The following PDS5B variants were observed in gnomAD, a reference collection of about 807,000 sequenced individuals.
PDS5B encodes the protein sister chromatid cohesion protein PDS5 homolog B.
Under a neutral mutation model 184.1 loss-of-function variants are expected in PDS5B, and 51 were observed. The ratio of observed to expected loss-of-function variants is 0.28; its 90% confidence interval spans 0.22 to 0.35. PDS5B has a LOEUF of 0.35. Ranked by LOEUF, PDS5B falls within the 10% of genes least tolerant of loss-of-function variation. The pLI, the probability that PDS5B is intolerant of heterozygous loss-of-function variation, is 1.00. For synonymous variants in PDS5B, 566 were observed against 569.2 expected (o/e 0.99, Z 0.08); for missense variants, 1,180 against 1,723.3 (o/e 0.68, Z 5.58).
At chr13:32,760,015 G>GGT (rs1398993607) in intron 29 of PDS5B, among the ~76,000 whole-genome samples, 1 of 152,006 alleles carries the variant, frequency 6.6e-6, no homozygotes, top group Non-Finnish European at 1.5e-5. Flanking sequence ...GGAGTGCAGT[G>GGT]GCGCATCTCG....
intron 11 of PDS5B, 39 bp downstream of exon 11, chr13:32,684,062 T>A: frequency 9.5e-7 from 1 of 1,054,364 alleles, no homozygotes. Flanking sequence ...GTTTTCATTT[T>A]TAATACTTGA....
chr13:32,701,301 A>C, intron 16 of PDS5B, 22 bp from the exon 17 acceptor site: 2 of 1,217,992 alleles, frequency 1.6e-6, no homozygotes, highest in Non-Finnish European at 2.4e-6. Context: ...CTTTTGTAAT[A>C]CTGAAATAAT....
chr13:32,617,991 G>A (rs867526988), intron 1 of PDS5B, among the ~76,000 whole-genome samples: 9 of 152,302 alleles, frequency 5.9e-5, no homozygotes, highest in Middle Eastern at 3.4e-3. Flanking sequence ...AGGTTGTGTA[G>A]TCTGGTAAGG....
chr13:32,643,917 A>T (rs1950160652), intron 1 of PDS5B, among the ~76,000 whole-genome samples: 1 of 152,206 alleles, frequency 6.6e-6, no homozygotes, highest in Non-Finnish European at 1.5e-5. Context: ...GTATCCTGGA[A>T]CGTCGATGAA....
intron 10 of PDS5B, among the ~76,000 whole-genome samples, chr13:32,683,531 G>T (rs1461435440): frequency 6.6e-6 from 1 of 151,774 alleles, no homozygotes; most frequent in Non-Finnish European, 1.5e-5. Context: ...TGTTGGTCAG[G>T]CTGGTCTTGA....
chr13:32,727,798 G>C (rs1409312962), intron 19 of PDS5B, among the ~76,000 whole-genome samples: 2 of 150,984 alleles, frequency 1.3e-5, no homozygotes, highest in Non-Finnish European at 3.0e-5. Flanking sequence ...TGAGATTCTT[G>C]GATCTCTAAG....
At chr13:32,701,256 C>T (rs1162706610) in intron 16 of PDS5B, 67 bp from the exon 17 acceptor site, 28 of 816,020 alleles carry the variant, frequency 3.4e-5, no homozygotes, top group Non-Finnish European at 3.5e-5. Context: ...ATTGTTGGTT[C>T]TTAATATTTT....
chr13:32,667,937 TA>T, intron 7 of PDS5B, 93 bp downstream of exon 7: 2 of 572,712 alleles, frequency 3.5e-6, no homozygotes, highest in Non-Finnish European at 6.0e-6. Flanking sequence ...TATATAGTTT[TA>T]AAAACAACAA....
chr13:32,694,027 ATT>A (rs2140847681), intron 13 of PDS5B, among the ~76,000 whole-genome samples, 194 bp from the exon 14 acceptor site: 1 of 151,772 alleles, frequency 6.6e-6, no homozygotes, highest in African/African-American at 2.4e-5. Flanking sequence ...ACCACTGATT[ATT>A]TCTTTTGATC....
chr13:32,720,450 T>C (rs533841088), intron 19 of PDS5B, among the ~76,000 whole-genome samples: 1 of 152,156 alleles, frequency 6.6e-6, no homozygotes, highest in Non-Finnish European at 1.5e-5. Context: ...ATCTGTCATA[T>C]AGTTCAGGGT....
intron 1 of PDS5B, among the ~76,000 whole-genome samples, chr13:32,614,489 G>T (rs1477360870): frequency 6.6e-6 from 1 of 151,926 alleles, no homozygotes; most frequent in Non-Finnish European, 1.5e-5. Context: ...GTAGAGAAGG[G>T]GTTTCACCAT....
At chr13:32,631,881 G>A (rs1251945882) in intron 1 of PDS5B, among the ~76,000 whole-genome samples, 1 of 152,082 alleles carries the variant, frequency 6.6e-6, no homozygotes, top group East Asian at 1.9e-4. Context: ...CCTTAAAAAC[G>A]GCAGAATCTG....
intron 1 of PDS5B, among the ~76,000 whole-genome samples, chr13:32,646,429 A>G (rs1467728184): frequency 3.5e-5 from 4 of 114,218 alleles, no homozygotes. Flanking sequence ...ATTGCTATTC[A>G]TTCTAGTGTT....
At chr13:32,621,926 C>G (rs2058307587) in intron 1 of PDS5B, among the ~76,000 whole-genome samples, 1 of 152,174 alleles carries the variant, frequency 6.6e-6, no homozygotes, top group Admixed American at 6.5e-5. Context: ...TTGCCAGTCT[C>G]TGGTTTGAAC....
chr13:32,760,122 A>AT (rs1486449904), intron 29 of PDS5B, among the ~76,000 whole-genome samples: 1 of 151,928 alleles, frequency 6.6e-6, no homozygotes, highest in Non-Finnish European at 1.5e-5. Context: ...CGCCTGGCTA[A>AT]TTTTTTGTAT....
At chr13:32,690,818 A>G (rs965771942) in intron 13 of PDS5B, 9 of 152,152 alleles carry the variant, frequency 5.9e-5, no homozygotes, top group African/African-American at 1.9e-4. Context: ...TGATTCTACA[A>G]AAATGGTTGG....
intron 1 of PDS5B, among the ~76,000 whole-genome samples, chr13:32,613,722 A>G (rs1408247678): frequency 1.3e-5 from 2 of 152,230 alleles, no homozygotes; most frequent in African/African-American, 4.8e-5. Context: ...TCTGAAGCAC[A>G]AAAGTTGTAA....
Position 32,696,838 on chromosome 13 carries a change from T to A in PDS5B, c.1552-16T>A. 6.3e-7 allele frequency: 1 copy of A among 1,586,426 alleles called. No individual in the cohort carries two copies. The highest frequency in any genetic ancestry group is 1.7e-4 in the Middle Eastern group (1 of 6,000). On this transcript the variant is annotated splice_polypyrimidine_tract_variant and intron_variant, in intron 14 of 34. Coordinates refer to ENST00000315596, the MANE Select transcript of PDS5B (RefSeq NM_015032.4). ...TTAGGGAATTTTAATTTTGCATTTT[T>A]TTGTGTGATTTACAGACAGATGCCA...
At position 32,696,806 on chromosome 13, in the gene PDS5B, T is replaced by C. The variant is rs371263178; in HGVS notation, c.1552-48T>C. The C allele has an allele frequency of 3.9e-5, 54 of 1,384,668 alleles. No homozygotes were observed. The African/African-American group carries it at 7.5e-4, about 19-fold the overall frequency. The allele number at this position is 1,384,668 out of a possible 1,614,324, so 85.8% of individuals were successfully genotyped here. A position where few individuals can be genotyped will look rare whatever the true frequency, so the allele number is the denominator to read the frequency against. The stretch of plus-strand genomic sequence containing the variant: ...AATTTTTTGCAGAGTATGATGAAGT[T>C]TTCTTGTTAGGGAATTTTAATTTTG... On this transcript the variant is annotated intron_variant, in intron 14 of 34. Transcript: ENST00000315596.
Sources: allele counts gnomAD v4.1 joint callset (sites outside exome capture counted in the v4.1 genomes callset), GRCh38; gene constraint gnomAD v4.1.1; transcripts MANE v1.5; gene names NCBI Gene and HGNC (gene_info 2026-07-23, HGNC 2026-07-21).